The following KCNIP4 variants were observed in gnomAD, a reference collection of about 807,000 sequenced individuals.
KCNIP4 encodes the protein potassium voltage-gated channel interacting protein 4, also known as Kv channel-interacting protein 4.
Under a neutral mutation model 34.0 loss-of-function variants are expected in KCNIP4, and 12 were observed. The observed-to-expected ratio is 0.35, with a 90% CI of 0.23 to 0.57. KCNIP4 has a LOEUF of 0.57. Ranked by LOEUF, KCNIP4 falls within the 20% of genes least tolerant of loss-of-function variation. The pLI, the probability that KCNIP4 is intolerant of heterozygous loss-of-function variation, is 0.83. For synonymous variants in KCNIP4, 124 were observed against 102.2 expected (o/e 1.21, Z -1.29); for missense variants, 238 against 311.7 (o/e 0.76, Z 1.78).
chr4:21,732,616 C>T (rs1207410462), intron 1 of KCNIP4, among the ~76,000 whole-genome samples: 1 of 152,176 alleles, frequency 6.6e-6, no homozygotes, highest in East Asian at 1.9e-4. Context: ...CCTCCCAGAG[C>T]CTGCTCCTAA....
chr4:21,226,264 A>C (rs1039069036), intron 1 of KCNIP4, among the ~76,000 whole-genome samples: 2 of 40,854 alleles, frequency 4.9e-5, no homozygotes, highest in African/African-American at 2.2e-4. Flanking sequence ...GGAGGGAGGG[A>C]GGGAGGGCGG....
intron 1 of KCNIP4, among the ~76,000 whole-genome samples, chr4:21,714,688 TAAGATAAAGGTG>T (rs938920298): frequency 6.6e-6 from 1 of 152,060 alleles, no homozygotes; most frequent in Non-Finnish European, 1.5e-5. Flanking sequence ...ACATTTGCTC[TAAGATAAAGGTG>T]AAGTAATTGA....
At chr4:20,776,429 G>A (rs963754486) in intron 3 of KCNIP4, among the ~76,000 whole-genome samples, 1 of 152,150 alleles carries the variant, frequency 6.6e-6, no homozygotes, top group Non-Finnish European at 1.5e-5. Context: ...TGGGAGATGA[G>A]AAGTCTGGGG....
chr4:21,086,763 G>A (rs1157262821), intron 1 of KCNIP4, among the ~76,000 whole-genome samples: 2 of 151,206 alleles, frequency 1.3e-5, no homozygotes, highest in Non-Finnish European at 2.9e-5. Context: ...CTCTTTTTTC[G>A]ATTCCTTCAA....
chr4:20,980,521 A>G (rs1171918893), intron 1 of KCNIP4, among the ~76,000 whole-genome samples: 3 of 152,248 alleles, frequency 2.0e-5, no homozygotes, highest in Non-Finnish European at 2.9e-5. Context: ...ACTAAAACAA[A>G]TAACTGTTTC....
chr4:21,430,896 C>A (rs183206082), intron 1 of KCNIP4, among the ~76,000 whole-genome samples: 2 of 151,402 alleles, frequency 1.3e-5, no homozygotes, highest in East Asian at 1.9e-4. Flanking sequence ...AAAATAGTTA[C>A]GCAATTTCAA....
intron 1 of KCNIP4, among the ~76,000 whole-genome samples, chr4:21,048,701 T>C (rs1418207376): frequency 6.6e-6 from 1 of 152,146 alleles, no homozygotes; most frequent in African/African-American, 2.4e-5. Flanking sequence ...ACACATTCTT[T>C]GATGGTTCTT....
chr4:21,382,362 A>G (rs1435903553), intron 1 of KCNIP4, among the ~76,000 whole-genome samples: 1 of 152,186 alleles, frequency 6.6e-6, no homozygotes, highest in Non-Finnish European at 1.5e-5. Flanking sequence ...GTTTATGTTA[A>G]AAGAAGAATC....
chr4:21,556,930 A>AAAAAAAAAAAAAAAAAAAAAAAAAAC lies in KCNIP4; in HGVS notation c.61+391640_61+391641insGTTTTTTTTTTTTTTTTTTTTTTTTT, dbSNP rs1553903108. Among the ~76,000 whole-genome samples, 151 of 108,140 alleles carry AAAAAAAAAAAAAAAAAAAAAAAAAAC rather than the reference A, an allele frequency of 1.4e-3. 8 individuals are homozygous for AAAAAAAAAAAAAAAAAAAAAAAAAAC. The highest frequency in any genetic ancestry group is 5.5e-3 in the East Asian group (17 of 3,092). 70.9% of individuals were successfully genotyped at this position (108,140 alleles called of 152,430 possible). A position where few individuals can be genotyped will look rare whatever the true frequency, so the allele number is the denominator to read the frequency against. Reference sequence around the variant, plus strand: ...AGCAAGACTCCATCTCAGAAAAAAAAAAAAAAAAAAAAACCAGAAAACAAA... The same window carrying AAAAAAAAAAAAAAAAAAAAAAAAAAC: ...AGCAAGACTCCATCTCAGAAAAAAAAAAAAAAAAAAAAAAAAAAAAAAAAACAAAAAAAAAAAAACCAGAAAACAAA... On this transcript the variant is annotated intron_variant, in intron 1 of 8. Coordinates refer to ENST00000382152, the MANE Select transcript of KCNIP4 (RefSeq NM_025221.6).
chr4:21,406,352 G>C (rs772901355), intron 1 of KCNIP4, among the ~76,000 whole-genome samples: 6 of 152,082 alleles, frequency 3.9e-5, no homozygotes, highest in African/African-American at 9.7e-5. Context: ...AGTGCAAAAG[G>C]CATAAATAAT....
At chr4:21,638,189 C>T (rs561395028) in intron 1 of KCNIP4, among the ~76,000 whole-genome samples, 4 of 152,210 alleles carry the variant, frequency 2.6e-5, no homozygotes, top group Non-Finnish European at 4.4e-5. Context: ...CAACTATATC[C>T]ATATTGATGG....
At chr4:21,066,461 A>T (rs1744393263) in intron 1 of KCNIP4, among the ~76,000 whole-genome samples, 1 of 152,176 alleles carries the variant, frequency 6.6e-6, no homozygotes, top group Non-Finnish European at 1.5e-5. Flanking sequence ...GGAAAGAGGC[A>T]CTGAAGAGGG....
chr4:21,659,992 C>A (rs189582106), intron 1 of KCNIP4, among the ~76,000 whole-genome samples: 94 of 152,136 alleles, frequency 6.2e-4, no homozygotes, highest in African/African-American at 2.2e-3. Context: ...ATTTGTTTAC[C>A]ATGTCTTTCC....
chr4:21,519,726 G>GTGTGGGTATGTA (rs1735302758), intron 1 of KCNIP4, among the ~76,000 whole-genome samples: 1 of 122,444 alleles, frequency 8.2e-6, no homozygotes, highest in African/African-American at 3.5e-5. Flanking sequence ...ATATACACAC[G>GTGTGGGTATGTA]TGTGTATATG....
chr4:20,761,117 A>G (rs1004974612), intron 3 of KCNIP4, among the ~76,000 whole-genome samples: 2 of 152,148 alleles, frequency 1.3e-5, no homozygotes, highest in African/African-American at 4.8e-5. Context: ...GGACCTTCCC[A>G]GAGAAAGAGT....
At position 20,803,725 on chromosome 4, in the gene KCNIP4, GAGAGGA is replaced by G. The variant is rs1377723747; in HGVS notation, c.289-44841_289-44836del. 6.1e-3 allele frequency among the ~76,000 whole-genome samples: 572 copies of G among 93,532 alleles called. 4 individuals are homozygous for G. Among genetic ancestry groups the G allele is most frequent in the African/African-American group, 0.019 (543 of 28,422 alleles). The allele number at this position is 93,532 out of a possible 152,430, so 61.4% of individuals were successfully genotyped here. On this transcript the variant is annotated intron_variant, in intron 3 of 8. Transcript: ENST00000382152. Reference sequence around the variant, plus strand: ...AGAAAGAGAGAGAGAGAGAGAGAGAGAGAGGAAGGAAGGAAGGAAGGAAGGAAGGAA... The same window carrying G: ...AGAAAGAGAGAGAGAGAGAGAGAGAGAGGAAGGAAGGAAGGAAGGAAGGAA...
At chr4:21,652,113 TG>T (rs1205115653) in intron 1 of KCNIP4, among the ~76,000 whole-genome samples, 9 of 152,188 alleles carry the variant, frequency 5.9e-5, no homozygotes, top group African/African-American at 1.2e-4. Flanking sequence ...TCTAATCTTC[TG>T]GATGGTAAAT....
At chr4:21,207,966 C>A (rs562561979) in intron 1 of KCNIP4, among the ~76,000 whole-genome samples, 179 of 151,910 alleles carry the variant, frequency 1.2e-3, no homozygotes, top group Non-Finnish European at 2.0e-3. Flanking sequence ...TCTCAGCCTC[C>A]CAAATAGCTG....
At chr4:20,918,566 C>T (rs1468939384) in intron 1 of KCNIP4, among the ~76,000 whole-genome samples, 3 of 152,162 alleles carry the variant, frequency 2.0e-5, no homozygotes, top group Non-Finnish European at 4.4e-5. Flanking sequence ...GCTCTCTCAA[C>T]ACATAATTAA....
Sources: gnomAD v4.1 joint callset for allele counts (sites outside exome capture counted in the v4.1 genomes callset) on GRCh38, gnomAD v4.1.1 for gene constraint, MANE v1.5 for transcripts, NCBI Gene and HGNC (gene_info 2026-07-23, HGNC 2026-07-21) for gene names.